RNGTT: variants seen among roughly 807,000 people sequenced by gnomAD.
The protein encoded by RNGTT is RNA guanylyltransferase and 5'-phosphatase.
Under a neutral mutation model 79.3 loss-of-function variants are expected in RNGTT, and 33 were observed. That is an observed-to-expected ratio of 0.42 (90% CI 0.32 to 0.56). The LOEUF is 0.56. Ranked by LOEUF, RNGTT falls within the 20% of genes least tolerant of loss-of-function variation. RNGTT has a pLI of 0.17. For synonymous variants in RNGTT, 222 were observed against 235.9 expected (o/e 0.94, Z 0.54); for missense variants, 497 against 739.1 (o/e 0.67, Z 3.80).
At chr6:88,724,761 T>C (rs1000168174) in intron 13 of RNGTT, among the ~76,000 whole-genome samples, 4 of 152,194 alleles carry the variant, frequency 2.6e-5, no homozygotes, top group Non-Finnish European at 5.9e-5. Flanking sequence ...AAACTTAACT[T>C]CCTCGTAAAG....
chr6:88,625,323 T>C (rs7757518), intron 14 of RNGTT, among the ~76,000 whole-genome samples: 4,553 of 152,036 alleles, frequency 0.03, 232 homozygotes, highest in African/African-American at 0.1. Context: ...AAACTGGGAA[T>C]AACTTAAATG....
At chr6:88,630,777 T>C (rs1329284178) in intron 14 of RNGTT, among the ~76,000 whole-genome samples, 1 of 152,164 alleles carries the variant, frequency 6.6e-6, no homozygotes, top group Non-Finnish European at 1.5e-5. Context: ...TTAGTTACAT[T>C]TCCTTCTGTG....
intron 11 of RNGTT, among the ~76,000 whole-genome samples, chr6:88,829,934 A>G (rs1780799297): frequency 1.3e-5 from 2 of 152,166 alleles, no homozygotes; most frequent in Admixed American, 1.3e-4. Flanking sequence ...CCCACACAAT[A>G]ATAGTGGGAG....
At chr6:88,788,828 C>T (rs985634199) in intron 12 of RNGTT, among the ~76,000 whole-genome samples, 3 of 152,196 alleles carry the variant, frequency 2.0e-5, no homozygotes, top group African/African-American at 7.2e-5. Context: ...AATGACTGCT[C>T]TGTGTCTTAC....
intron 13 of RNGTT, among the ~76,000 whole-genome samples, chr6:88,730,288 T>C (rs1242824890): frequency 2.0e-5 from 3 of 152,206 alleles, no homozygotes. Context: ...TGCTCTGTAA[T>C]AACCATTTTT....
intron 13 of RNGTT, among the ~76,000 whole-genome samples, chr6:88,719,577 A>G (rs1412364964): frequency 6.6e-6 from 1 of 152,180 alleles, no homozygotes; most frequent in African/African-American, 2.4e-5. Context: ...TATTATTGCA[A>G]CTTCCAGTGT....
At chr6:88,906,207 G>A (rs1783648709) in intron 5 of RNGTT, among the ~76,000 whole-genome samples, 158 bp downstream of exon 5, 1 of 151,842 alleles carries the variant, frequency 6.6e-6, no homozygotes, top group East Asian at 1.9e-4. Context: ...ACCAAGTAAT[G>A]GTAGTATAAA....
At position 88,625,758 on chromosome 6, in the gene RNGTT, C is replaced by CAA. The variant is rs72458928; in HGVS notation, c.1507-11365_1507-11364dup. ...AAGGTGAATAAAAACAAAAATAATA[C>CAA]AAAAAAAACAAGAAACAGGTCAGTT... On this transcript the variant is annotated intron_variant, in intron 14 of 15. Transcript: ENST00000369485. Among the ~76,000 whole-genome samples the CAA allele has an allele frequency of 3.3e-5, 5 of 150,964 alleles. No homozygotes were observed. In the East Asian group the frequency reaches 5.8e-4, roughly 18 times the overall value.
chr6:88,639,663 C>A (rs904697289), intron 14 of RNGTT, among the ~76,000 whole-genome samples: 1 of 152,090 alleles, frequency 6.6e-6, no homozygotes, highest in Non-Finnish European at 1.5e-5. Context: ...TTATGATTTT[C>A]ATTTCTGAAT....
intron 11 of RNGTT, among the ~76,000 whole-genome samples, chr6:88,839,202 A>G (rs1478752312): frequency 6.6e-6 from 1 of 152,174 alleles, no homozygotes; most frequent in South Asian, 2.1e-4. Flanking sequence ...GTGTACCTAT[A>G]CTGGAGTGAA....
intron 12 of RNGTT, among the ~76,000 whole-genome samples, chr6:88,800,409 ATTT>A (rs1448595733): frequency 6.6e-6 from 1 of 152,214 alleles, no homozygotes; most frequent in Non-Finnish European, 1.5e-5. Context: ...CCTGTACAGT[ATTT>A]AATACACTGT....
chr6:88,855,454 T>C (rs1781813235), intron 8 of RNGTT, among the ~76,000 whole-genome samples: 1 of 151,490 alleles, frequency 6.6e-6, no homozygotes, highest in Admixed American at 6.6e-5. Flanking sequence ...TTGGATTAGA[T>C]TGTGAAGTAT....
chr6:88,950,240 T>A (rs1006082375), intron 1 of RNGTT, among the ~76,000 whole-genome samples: 2 of 152,244 alleles, frequency 1.3e-5, no homozygotes, highest in African/African-American at 4.8e-5. Context: ...ACTATGCACC[T>A]AGGCACCCAA....
intron 6 of RNGTT, among the ~76,000 whole-genome samples, chr6:88,892,453 AGTAAGAGT>A (rs1221254253): frequency 6.6e-6 from 1 of 152,104 alleles, no homozygotes; most frequent in African/African-American, 2.4e-5. Context: ...TGTAAACCAG[AGTAAGAGT>A]GTAGGCAAAG....
chr6:88,963,351 AC>A lies in RNGTT; in HGVS notation c.58del (p.Val20TrpfsTer8). ...WLNCPRRGQP[V>X]AGRFLPLKTM... ...CGCCCCCCAGTCCAGGTTACCTGCC[AC>A]CGGCTGGCCGCGCCGGGGACAGTTC... On this transcript the variant is annotated frameshift_variant, in exon 1 of 16. Transcript: ENST00000369485. LOFTEE classifies it high-confidence loss of function. 6.2e-7 allele frequency: 1 copy of A among 1,611,906 alleles called. No individual in the cohort carries two copies. Among genetic ancestry groups the A allele is most frequent in the Non-Finnish European group, 8.5e-7 (1 of 1,179,106 alleles).
intron 2 of RNGTT, among the ~76,000 whole-genome samples, chr6:88,929,879 T>C (rs1230619467): frequency 2.8e-5 from 4 of 142,732 alleles, no homozygotes; most frequent in Middle Eastern, 3.6e-3. Context: ...CATATATACA[T>C]ACACACATAT....
intron 13 of RNGTT, among the ~76,000 whole-genome samples, chr6:88,702,683 T>C (rs1240656013): frequency 6.6e-6 from 1 of 152,176 alleles, no homozygotes; most frequent in East Asian, 1.9e-4. Context: ...TCAAAAGCAA[T>C]TGCAACAAAA....
chr6:88,853,504 CAA>C (rs878907929), intron 9 of RNGTT, 123 bp downstream of exon 9: 12,898 of 429,514 alleles, frequency 0.03, no homozygotes, highest in South Asian at 0.043. Context: ...GACTCCGTCT[CAA>C]AAAAAAAAAA....
intron 13 of RNGTT, among the ~76,000 whole-genome samples, chr6:88,683,660 CAT>C (rs371616181): frequency 3.9e-5 from 6 of 152,162 alleles, no homozygotes; most frequent in African/African-American, 9.6e-5. Flanking sequence ...TTTCAAAAGA[CAT>C]GTGAAAAATA....
Sources: allele counts gnomAD v4.1 joint callset (sites outside exome capture counted in the v4.1 genomes callset), GRCh38; gene constraint gnomAD v4.1.1; transcripts MANE v1.5; gene names NCBI Gene and HGNC (gene_info 2026-07-23, HGNC 2026-07-21).